Variants in ATP11B observed in about 807,000 individuals in gnomAD.
ATP11B encodes ATPase phospholipid transporting 11B (putative).
In ATP11B, 81 loss-of-function variants were observed where a neutral mutation model predicts 157.8. The ratio of observed to expected loss-of-function variants is 0.51; its 90% CI spans 0.43 to 0.62. ATP11B has a LOEUF of 0.62. Among genes scored for constraint, ATP11B ranks in the 20% least tolerant of loss-of-function variants. The pLI, the probability that ATP11B is intolerant of heterozygous loss-of-function variation, is 0.00. For synonymous variants in ATP11B, 451 were observed against 469.4 expected, an observed-to-expected ratio of 0.96 and a Z score of 0.51; for missense variants, 1,165 against 1,402.2, an observed-to-expected ratio of 0.83 and a Z score of 2.70.
intron 10 of ATP11B, among the ~76,000 whole-genome samples, 156 bp from the exon 11 acceptor site, chr3:182,857,722 G>A (rs662276): frequency 0.71 from 108,231 of 152,038 alleles, 38,973 homozygotes; most frequent in Non-Finnish European, 0.77. Context: ...TCTATTTAAC[G>A]GTTATTTCTT....
chr3:182,853,042 G>T (rs1293478910), intron 10 of ATP11B, among the ~76,000 whole-genome samples: 33 of 152,074 alleles, frequency 2.2e-4, no homozygotes, highest in Admixed American at 2.2e-3. Flanking sequence ...GCCTCATTCA[G>T]TGCAACAAGT....
At chr3:182,884,659 CATGTTCAACTATTATAAATA>C in intron 21 of ATP11B, 74 bp from the exon 22 acceptor site, 1 of 1,247,676 alleles carries the variant, frequency 8.0e-7, no homozygotes, top group Non-Finnish European at 1.1e-6. Flanking sequence ...TTCCTAAGTG[CATGTTCAACTATTATAAATA>C]ATTAAGATAT....
Position 182,858,020 on chromosome 3 carries a change from A to G in ATP11B, c.994A>G (p.Ser332Gly), listed in dbSNP as rs765786499. The change falls in exon 11 of 30, where the codon AGC becomes GGC. Residue 332 changes from serine to glycine, a missense_variant. Physicochemically the swap from Ser to Gly is moderately conservative, Grantham distance 56. This residue lies in a region of ATP11B where 737 missense variants were observed against 930.5 expected (regional missense o/e 0.79). Transcript: ENST00000323116. The part of the protein sequence containing the change: ...YNQKTEHQRN[S>G]SKILRFISDF... Reference sequence around the variant, plus strand: ...CCAAAAAACAGAACATCAAAGAAATAGCAGTAAGGTATTTTATGGTGTTAT... The same window carrying G: ...CCAAAAAACAGAACATCAAAGAAATGGCAGTAAGGTATTTTATGGTGTTAT... The G allele has an allele frequency of 5.2e-5, 83 of 1,610,904 alleles. No individual in the cohort carries two copies. Among genetic ancestry groups the G allele is most frequent in the Non-Finnish European group, 6.7e-5 (79 of 1,177,890 alleles).
At chr3:182,852,597 T>C (rs1348653642) in intron 10 of ATP11B, among the ~76,000 whole-genome samples, 1 of 152,242 alleles carries the variant, frequency 6.6e-6, no homozygotes, top group Non-Finnish European at 1.5e-5. Context: ...TATTTAAAAA[T>C]GTCTCCACGC....
intron 19 of ATP11B, among the ~76,000 whole-genome samples, chr3:182,878,690 A>T (rs1021676795): frequency 1.3e-5 from 2 of 152,198 alleles, no homozygotes; most frequent in African/African-American, 4.8e-5. Flanking sequence ...ATGTTCTACC[A>T]TAGTAATATC....
Position 182,913,991 on chromosome 3 carries a change from G to C in ATP11B, c.3449G>C (p.Ser1150Thr), listed in dbSNP as rs369505243. ...VIGRCSPTHISRSWSASDPFY... is the reference protein window; with the variant it reads ...VIGRCSPTHITRSWSASDPFY... ...GGAAGATGTAGTCCAACCCACATCA[G>C]CAGGTGTGAAATCTCTCTAAGTAGC... is the stretch of plus-strand genomic sequence containing the variant. The change falls in exon 29 of 30, where the codon AGC (serine) becomes ACC (threonine). Residue 1150 changes from serine (S) to threonine (T), a missense_variant. By Grantham distance (58) the Ser-to-Thr change is moderately conservative. This residue lies in a region of ATP11B where 303 missense variants were observed against 296.3 expected (regional missense o/e 1.02). Transcript: ENST00000323116. 5.0e-6 allele frequency: 8 copies of C among 1,613,888 alleles called. No individual in the cohort carries two copies. In the South Asian group the frequency reaches 7.7e-5, roughly 16 times the overall value.
intron 9 of ATP11B, among the ~76,000 whole-genome samples, chr3:182,845,841 A>T (rs1719475678): frequency 6.6e-6 from 1 of 152,250 alleles, no homozygotes; most frequent in South Asian, 2.1e-4. Flanking sequence ...ATCATGGTAC[A>T]GTAAACCACT....
At chr3:182,917,688 A>G (rs900584934) in intron 29 of ATP11B, 4 of 985,260 alleles carry the variant, frequency 4.1e-6, no homozygotes, top group Non-Finnish European at 3.6e-6. Flanking sequence ...TCAGTAAAAC[A>G]ATGTGCATAA....
intron 17 of ATP11B, among the ~76,000 whole-genome samples, chr3:182,872,024 C>T (rs1246371891): frequency 6.6e-6 from 1 of 152,128 alleles, no homozygotes. Flanking sequence ...ACCATGTTAG[C>T]CAGGATGGTC....
chr3:182,850,638 C>T (rs1016219058), intron 10 of ATP11B, among the ~76,000 whole-genome samples: 2 of 152,044 alleles, frequency 1.3e-5, no homozygotes, highest in Non-Finnish European at 2.9e-5. Flanking sequence ...GGTTGGTGGG[C>T]ATGTAAGTTA....
At chr3:182,851,605 G>A (rs1719983137) in intron 10 of ATP11B, among the ~76,000 whole-genome samples, 1 of 152,042 alleles carries the variant, frequency 6.6e-6, no homozygotes, top group African/African-American at 2.4e-5. Flanking sequence ...ATTACAATAA[G>A]GTAAAGATGC....
chr3:182,854,516 A>G (rs1000329164), intron 10 of ATP11B, among the ~76,000 whole-genome samples: 6 of 152,138 alleles, frequency 3.9e-5, no homozygotes, highest in African/African-American at 1.4e-4. Flanking sequence ...CTTTTAGAAG[A>G]AAACTTAGAA....
Position 182,899,115 on chromosome 3 carries a change from A to G in ATP11B, c.3318+343A>G, listed in dbSNP as rs143568697. On this transcript the variant is annotated intron_variant, in intron 28 of 29. Coordinates refer to ENST00000323116, the MANE Select transcript of ATP11B (RefSeq NM_014616.3). ...TATCATATATATATAATGAAGATCT[A>G]TAGCCATGTCTTTAGAAACATCAGA... is the stretch of plus-strand genomic sequence containing the variant. Among the ~76,000 whole-genome samples, 152 of 151,472 alleles carry G rather than the reference A, an allele frequency of 1.0e-3. 1 individual carries two copies. In the East Asian group the frequency reaches 0.02, roughly 20 times the overall value.
At position 182,898,317 on chromosome 3, in the gene ATP11B, A is replaced by T. The variant is rs59898107; in HGVS notation, c.3153-290A>T. ...TTTATTACACACTTTTTCTTGCTTTACTTGGTCCCTTAAGTCTGTATTACT... is the reference window on the plus strand; with the variant it reads ...TTTATTACACACTTTTTCTTGCTTTTCTTGGTCCCTTAAGTCTGTATTACT... On this transcript the variant is annotated intron_variant, in intron 27 of 29. Coordinates refer to ENST00000323116, the MANE Select transcript of ATP11B (RefSeq NM_014616.3). 0.017 allele frequency among the ~76,000 whole-genome samples: 2,603 copies of T among 152,186 alleles called. 83 individuals carry two copies. The highest frequency in any genetic ancestry group is 0.059 in the African/African-American group (2,439 of 41,546).
intron 28 of ATP11B, among the ~76,000 whole-genome samples, chr3:182,910,073 G>GGA (rs1560133093): frequency 4.7e-5 from 3 of 63,402 alleles, no homozygotes; most frequent in Non-Finnish European, 6.9e-5. Flanking sequence ...TCGGCCTCCA[G>GGA]AAAAAAAAAA....
intron 1 of ATP11B, among the ~76,000 whole-genome samples, chr3:182,819,497 C>T (rs905961156): frequency 1.3e-4 from 20 of 152,124 alleles, no homozygotes; most frequent in African/African-American, 4.8e-4. Flanking sequence ...TCTTGTTACC[C>T]GTGAAATCTT....
intron 28 of ATP11B, among the ~76,000 whole-genome samples, chr3:182,906,480 A>G (rs1022639191): frequency 2.6e-5 from 4 of 151,954 alleles, no homozygotes; most frequent in African/African-American, 4.8e-5. Context: ...GCCTCATTCC[A>G]TCTCCCAGGC....
intron 1 of ATP11B, 47 bp downstream of exon 1, chr3:182,793,833 C>T: frequency 1.6e-6 from 2 of 1,232,640 alleles, no homozygotes; most frequent in South Asian, 4.7e-5. Context: ...CCCCGCGGGG[C>T]CTCTCGGCCC....
intron 1 of ATP11B, among the ~76,000 whole-genome samples, chr3:182,800,963 C>T (rs1340447810): frequency 1.4e-5 from 2 of 147,952 alleles, no homozygotes; most frequent in Non-Finnish European, 3.0e-5. Flanking sequence ...CCATGCCCAA[C>T]GGATTTTTTC....
Sources: allele counts gnomAD v4.1 joint callset (sites outside exome capture counted in the v4.1 genomes callset), GRCh38; gene constraint gnomAD v4.1.1; regional missense constraint gnomAD v4.1.1; transcripts MANE v1.5; gene names NCBI Gene and HGNC (gene_info 2026-07-23, HGNC 2026-07-21).